The following SUSD4 variants were observed in gnomAD, a reference collection of about 807,000 sequenced individuals.
SUSD4 encodes the protein sushi domain-containing protein 4.
SUSD4 carries 41 observed loss-of-function variants against 50.5 expected under a neutral mutation model. That is an observed-to-expected ratio of 0.81 (90% CI 0.63 to 1.05). SUSD4 has a LOEUF of 1.05. Ranked by LOEUF, SUSD4 falls within the 50% of genes least tolerant of loss-of-function variation. The pLI, the probability that SUSD4 is intolerant of heterozygous loss-of-function variation, is 0.00. For synonymous variants in SUSD4, 257 were observed against 257.3 expected, an observed-to-expected ratio of 1.00 and a Z score of 0.01; for missense variants, 580 against 634.7, an observed-to-expected ratio of 0.91 and a Z score of 0.93.
chr1:223,253,391 T>G (rs894576585), intron 5 of SUSD4, among the ~76,000 whole-genome samples: 1 of 151,360 alleles, frequency 6.6e-6, no homozygotes, highest in East Asian at 1.9e-4. Flanking sequence ...ACCATTTCTA[T>G]GAAAAAAATG....
chr1:223,298,957 C>T (rs1665013977), intron 2 of SUSD4, among the ~76,000 whole-genome samples: 1 of 152,146 alleles, frequency 6.6e-6, no homozygotes, highest in Non-Finnish European at 1.5e-5. Flanking sequence ...CAGCCGTCGG[C>T]ACAGAACAGG....
At chr1:223,352,602 T>G (rs1404205245) in intron 2 of SUSD4, among the ~76,000 whole-genome samples, 1 of 152,128 alleles carries the variant, frequency 6.6e-6, no homozygotes, top group African/African-American at 2.4e-5. Context: ...GCTCTGAGGC[T>G]GGACTGCAGA....
At chr1:223,314,599 C>T (rs539518028) in intron 2 of SUSD4, among the ~76,000 whole-genome samples, 1 of 152,056 alleles carries the variant, frequency 6.6e-6, no homozygotes, top group Non-Finnish European at 1.5e-5. Flanking sequence ...TGGGAGGGAC[C>T]TGGTGGGAGG....
At chr1:223,308,414 G>A (rs757455822) in intron 2 of SUSD4, among the ~76,000 whole-genome samples, 9 of 151,986 alleles carry the variant, frequency 5.9e-5, no homozygotes, top group Non-Finnish European at 1.0e-4. Flanking sequence ...GGTCCCTGAC[G>A]CCTCCCCAGA....
intron 5 of SUSD4, among the ~76,000 whole-genome samples, chr1:223,252,169 G>A (rs1373747473): frequency 2.1e-5 from 3 of 145,920 alleles, no homozygotes; most frequent in Non-Finnish European, 4.5e-5. Context: ...GTATACATAT[G>A]TAACAAACCT....
At chr1:223,289,145 C>G in intron 3 of SUSD4, 1 of 985,432 alleles carries the variant, frequency 1.0e-6, no homozygotes, top group Non-Finnish European at 1.2e-6. Context: ...CCTGCGCCCA[C>G]GGGGTGTATT....
chr1:223,307,079 G>C lies in SUSD4; in HGVS notation c.149-14428C>G, dbSNP rs570760825. ...AGACAGGATCTCAACACATTGCCTA[G>C]GCTGGTCTCTGACTCCTAGGTGGCT... On this transcript the variant is annotated intron_variant, in intron 2 of 8. Coordinates refer to ENST00000366878, the MANE Select transcript of SUSD4 (RefSeq NM_017982.4). Among the ~76,000 whole-genome samples the C allele has an allele frequency of 8.0e-5, 12 of 150,246 alleles. No individual in the cohort carries two copies. The East Asian group carries it at 2.4e-3, about 30-fold the overall frequency.
intron 2 of SUSD4, among the ~76,000 whole-genome samples, chr1:223,348,443 T>C (rs1014939702): frequency 6.6e-5 from 10 of 152,258 alleles, no homozygotes; most frequent in African/African-American, 2.4e-4. Flanking sequence ...ATATATTTGC[T>C]GATCAGTCTA....
At chr1:223,331,964 T>C (rs1479286555) in intron 2 of SUSD4, among the ~76,000 whole-genome samples, 2 of 152,126 alleles carry the variant, frequency 1.3e-5, no homozygotes, top group African/African-American at 4.8e-5. Flanking sequence ...CAGTTTCCCA[T>C]CCCCCTCACC....
chr1:223,331,489 G>A (rs1404846457), intron 2 of SUSD4, among the ~76,000 whole-genome samples: 1 of 152,184 alleles, frequency 6.6e-6, no homozygotes, highest in Non-Finnish European at 1.5e-5. Context: ...GGTTGGGGTT[G>A]AGCACAACTA....
At chr1:223,282,323 T>C (rs1772277) in intron 3 of SUSD4, among the ~76,000 whole-genome samples, 126,806 of 152,064 alleles carry the variant, frequency 0.83, 53,377 homozygotes, top group African/African-American at 0.96. Context: ...ATGACATGAT[T>C]GTATATTTAG....
chr1:223,291,947 C>T (rs1308643316), intron 3 of SUSD4, among the ~76,000 whole-genome samples: 1 of 152,220 alleles, frequency 6.6e-6, no homozygotes, highest in Non-Finnish European at 1.5e-5. Flanking sequence ...AAATAAATGT[C>T]TACCTCGTTA....
At chr1:223,333,204 G>A (rs987376099) in intron 2 of SUSD4, among the ~76,000 whole-genome samples, 5 of 151,790 alleles carry the variant, frequency 3.3e-5, no homozygotes, top group Non-Finnish European at 7.4e-5. Context: ...GAGAGGCAGT[G>A]CCAGGAGCAG....
Position 223,224,983 on chromosome 1 carries a change from C to A in SUSD4, c.1062-1352G>T, listed in dbSNP as rs139137443. 7.7e-3 allele frequency among the ~76,000 whole-genome samples: 1,157 copies of A among 151,008 alleles called. 18 individuals carry two copies. Among genetic ancestry groups the A allele is most frequent in the African/African-American group, 0.027 (1,110 of 41,044 alleles). Reference sequence around the variant, plus strand: ...CTCCCAGGCTCATGCGATTCTCCTGCCTCAGCCTCCCGAGTAGCTGGGATT... The same window carrying A: ...CTCCCAGGCTCATGCGATTCTCCTGACTCAGCCTCCCGAGTAGCTGGGATT... On this transcript the variant is annotated intron_variant, in intron 7 of 8. Coordinates refer to ENST00000366878, the MANE Select transcript of SUSD4 (RefSeq NM_017982.4).
chr1:223,255,229 T>C (rs1661606976), intron 5 of SUSD4, among the ~76,000 whole-genome samples: 1 of 152,222 alleles, frequency 6.6e-6, no homozygotes, highest in South Asian at 2.1e-4. Flanking sequence ...CACACATTCA[T>C]CTTCAAAGGG....
intron 3 of SUSD4, among the ~76,000 whole-genome samples, chr1:223,275,692 CT>C (rs1034035351): frequency 1.3e-5 from 2 of 152,104 alleles, no homozygotes. Flanking sequence ...GGAAATGTGC[CT>C]TTTTTTATGG....
chr1:223,327,134 T>C (rs768106672), intron 2 of SUSD4, among the ~76,000 whole-genome samples: 1 of 152,172 alleles, frequency 6.6e-6, no homozygotes, highest in Non-Finnish European at 1.5e-5. Context: ...ATATACACCA[T>C]GGAATACTAC....
chr1:223,243,672 T>G (rs926453543), intron 5 of SUSD4, among the ~76,000 whole-genome samples: 1 of 152,234 alleles, frequency 6.6e-6, no homozygotes, highest in Non-Finnish European at 1.5e-5. Context: ...CGCCTGTCTT[T>G]AGGTACATCC....
intron 2 of SUSD4, among the ~76,000 whole-genome samples, chr1:223,323,298 T>C (rs1666689946): frequency 6.6e-6 from 1 of 151,858 alleles, no homozygotes; most frequent in Non-Finnish European, 1.5e-5. Flanking sequence ...AGAGGTTAAG[T>C]GAAGAAGCTA....
Sources: gnomAD v4.1 joint callset for allele counts (sites outside exome capture counted in the v4.1 genomes callset) on GRCh38, gnomAD v4.1.1 for gene constraint, MANE v1.5 for transcripts, NCBI Gene and HGNC (gene_info 2026-07-23, HGNC 2026-07-21) for gene names.